The following OR10G3 variants were observed in gnomAD, a reference collection of about 807,000 sequenced individuals.
The protein encoded by OR10G3 is olfactory receptor family 10 subfamily G member 3.
A neutral mutation model predicts 13.4 loss-of-function variants in OR10G3; 8 were observed. That is an observed-to-expected ratio of 0.60 (90% CI 0.35 to 1.08). OR10G3 has a LOEUF of 1.08. Ranked by LOEUF, OR10G3 falls within the 50% of genes least tolerant of loss-of-function variation. The pLI, the probability that OR10G3 is intolerant of heterozygous loss-of-function variation, is 0.02. For synonymous variants in OR10G3, 142 were observed against 156.1 expected (o/e 0.91, Z 0.67); for missense variants, 393 against 386.6 (o/e 1.02, Z -0.14).
chr14:21,574,629 ACTT>A lies in OR10G3; in HGVS notation c.-17-3871_-17-3869del, dbSNP rs1893108102. Among the ~76,000 whole-genome samples, 5 of 152,016 alleles carry A rather than the reference ACTT, an allele frequency of 3.3e-5. 1 individual carries two copies. The South Asian group carries it at 6.2e-4, about 19-fold the overall frequency. ...TCATAATGGATCTGGTCATTAGTTCACTTCTTGGTTCTGAGCGAGTCTCAAAGC... is the reference window on the plus strand; with the variant it reads ...TCATAATGGATCTGGTCATTAGTTCACTTGGTTCTGAGCGAGTCTCAAAGC... On this transcript the variant is annotated intron_variant, in intron 1 of 1. Coordinates refer to ENST00000641040, the MANE Select transcript of OR10G3 (RefSeq NM_001005465.2).
At chr14:21,576,094 T>TG (rs776970622) in intron 1 of OR10G3, among the ~76,000 whole-genome samples, 1 of 152,158 alleles carries the variant, frequency 6.6e-6, no homozygotes, top group Non-Finnish European at 1.5e-5. Flanking sequence ...TGTCGTGTCA[T>TG]GGGATGCTAT....
rs1057119132 is a variant in OR10G3 at position 21,569,670 on chromosome 14, T to G, written c.*133A>C. The G allele has an allele frequency of 4.9e-5, 35 of 719,154 alleles. No homozygotes were observed. Among genetic ancestry groups the G allele is most frequent in the Non-Finnish European group, 7.3e-5 (32 of 436,266 alleles). The allele number at this position is 719,154 out of a possible 1,614,324, so 44.5% of individuals were successfully genotyped here. ...ACTGTTAGAAAGTTAGTATTTTACC[T>G]TAAACTGTGTTTGATCATACAGTAT... On this transcript the variant is annotated 3_prime_UTR_variant, in exon 2 of 2. Coordinates refer to ENST00000641040, the MANE Select transcript of OR10G3 (RefSeq NM_001005465.2).
In OR10G3 at chr14:21,569,907, T is replaced by C; in HGVS notation, c.838A>G (p.Ile280Val). 6.3e-7 allele frequency: 1 copy of C among 1,591,028 alleles called. No individual in the cohort carries two copies. Among genetic ancestry groups the C allele is most frequent in the South Asian group, 1.1e-5 (1 of 88,208 alleles). ...DGAAALVPTA[I>V]TPFLNPLIYT... is the part of the protein sequence containing the mutation. ...ATAAGGGGGTTGAGGAAAGGAGTGA[T>C]GGCCGTGGGGACTAGGGCAGCTGCC... The change falls in exon 2 of 2, where the codon ATC (isoleucine) becomes GTC (valine). Residue 280 changes from isoleucine to valine, a missense_variant. Physicochemically the swap from Ile to Val is conservative, Grantham distance 29. Coordinates refer to ENST00000641040, the MANE Select transcript of OR10G3 (RefSeq NM_001005465.2).
Position 21,569,598 on chromosome 14 carries a change from C to A in OR10G3, c.*205G>T. 1 of 543,322 alleles carries A rather than the reference C, an allele frequency of 1.8e-6. No homozygotes were observed. Among genetic ancestry groups the A allele is most frequent in the Non-Finnish European group, 3.2e-6 (1 of 310,200 alleles). 33.7% of individuals were successfully genotyped at this position (543,322 alleles called of 1,614,324 possible). A position where few individuals can be genotyped will look rare whatever the true frequency, so the allele number is the denominator to read the frequency against. On this transcript the variant is annotated 3_prime_UTR_variant, in exon 2 of 2. Coordinates refer to ENST00000641040, the MANE Select transcript of OR10G3 (RefSeq NM_001005465.2). ...TAGTTTGTGAGAATTTGGTCTCATTCTCTACTCTTGCAGTGGCTGAGAGTT... is the reference window on the plus strand; with the variant it reads ...TAGTTTGTGAGAATTTGGTCTCATTATCTACTCTTGCAGTGGCTGAGAGTT...
In OR10G3 at chr14:21,570,036, G is replaced by A. The variant is rs759779533; in HGVS notation, c.709C>T (p.Arg237Trp). 27 of 1,614,082 alleles carry A rather than the reference G, an allele frequency of 1.7e-5. No individual in the cohort carries two copies. Among genetic ancestry groups the A allele is most frequent in the Admixed American group, 3.3e-5 (2 of 59,994 alleles). ...LRIHTADGRR[R>W]AFSTCGAHVT... ...TGGGCTCCACAAGTTGAAAAAGCCC[G>A]GCGCCGCCCATCAGCTGTGTGGATT... The change falls in exon 2 of 2, where the codon CGG becomes TGG. Residue 237 changes from arginine (R) to tryptophan (W), a missense_variant. Physicochemically the swap from Arg to Trp is moderately radical, Grantham distance 101. Coordinates refer to ENST00000641040, the MANE Select transcript of OR10G3 (RefSeq NM_001005465.2).
intron 1 of OR10G3, 146 bp from the exon 2 acceptor site, chr14:21,570,907 T>C: frequency 1.7e-6 from 1 of 595,526 alleles, no homozygotes; most frequent in East Asian, 2.8e-5. Context: ...CAATGTTCTC[T>C]GGCAGGTGTT....
intron 1 of OR10G3, among the ~76,000 whole-genome samples, chr14:21,578,765 T>G (rs1876817115): frequency 6.6e-6 from 1 of 152,104 alleles, no homozygotes; most frequent in Non-Finnish European, 1.5e-5. Context: ...TATAATTAAT[T>G]TCTTTTTAAA....
Position 21,569,698 on chromosome 14 carries a change from C to T in OR10G3, c.*105G>A, listed in dbSNP as rs939690843. 2.3e-6 allele frequency: 2 copies of T among 852,864 alleles called. No homozygotes were observed. The highest frequency in any genetic ancestry group is 3.6e-5 in the South Asian group (2 of 55,298). The allele number at this position is 852,864 out of a possible 1,614,324, so 52.8% of individuals were successfully genotyped here. On this transcript the variant is annotated 3_prime_UTR_variant, in exon 2 of 2. Coordinates refer to ENST00000641040, the MANE Select transcript of OR10G3 (RefSeq NM_001005465.2). ...AACTGTGTTTGATCATACAGTATGG[C>T]TATATAAAAGAGAAAAAACAAGAAG...
chr14:21,579,492 G>A (rs1043022102), intron 1 of OR10G3, among the ~76,000 whole-genome samples: 6 of 152,130 alleles, frequency 3.9e-5, no homozygotes, highest in Admixed American at 6.5e-5. Context: ...TGATCCGCCC[G>A]TCTTGGCATC....
chr14:21,576,568 C>T lies in OR10G3; in HGVS notation c.-18+3218G>A, dbSNP rs145005811. ...AAAGTTTTATTCTAATTATTTTCTC[C>T]CTGAATTTCTATCTTTTTAGATTGC... On this transcript the variant is annotated intron_variant, in intron 1 of 1. Transcript: ENST00000641040. Among the ~76,000 whole-genome samples, 513 of 152,234 alleles carry T rather than the reference C, an allele frequency of 3.4e-3. 3 individuals are homozygous for T. The highest frequency in any genetic ancestry group is 0.012 in the African/African-American group (488 of 41,544).
chr14:21,572,314 A>AAAAAAAAAAAAAAAAC, intron 1 of OR10G3, among the ~76,000 whole-genome samples: 1 of 138,048 alleles, frequency 7.2e-6, no homozygotes, highest in African/African-American at 2.7e-5. Flanking sequence ...AAAAAAAAAA[A>AAAAAAAAAAAAAAAAC]AAGGCCAGGT....
chr14:21,574,367 C>T (rs1238340175), intron 1 of OR10G3, among the ~76,000 whole-genome samples: 1 of 150,848 alleles, frequency 6.6e-6, no homozygotes, highest in African/African-American at 2.4e-5. Flanking sequence ...TTTCCATCCA[C>T]TCAGAAGGAG....
rs777881077 is a variant in OR10G3, at chr14:21,569,613, G to C, written c.*190C>G. On this transcript the variant is annotated 3_prime_UTR_variant, in exon 2 of 2. Transcript: ENST00000641040. ...TGGTCTCATTCTCTACTCTTGCAGT[G>C]GCTGAGAGTTATCTTGAGAGGATAC... 20 of 574,408 alleles carry C rather than the reference G, an allele frequency of 3.5e-5. No homozygotes were observed. Among genetic ancestry groups the C allele is most frequent in the Non-Finnish European group, 5.8e-5 (19 of 328,684 alleles). 35.6% of individuals were successfully genotyped at this position (574,408 alleles called of 1,614,324 possible).
intron 1 of OR10G3, among the ~76,000 whole-genome samples, chr14:21,572,608 C>CAAAAAAAAAAAAAAA (rs397852312): frequency 1.4e-4 from 16 of 110,478 alleles, no homozygotes; most frequent in Non-Finnish European, 1.6e-4. Context: ...AACAAACAAA[C>CAAAAAAAAAAAAAAA]AAAAAAAAAA....
At chr14:21,574,792 AT>A (rs1258871678) in intron 1 of OR10G3, 11 of 152,130 alleles carry the variant, frequency 7.2e-5, no homozygotes, top group African/African-American at 2.4e-4. Flanking sequence ...TATAAAAAAA[AT>A]AAAAAAAATT....
intron 1 of OR10G3, among the ~76,000 whole-genome samples, chr14:21,579,280 TG>T (rs2139716148): frequency 6.6e-6 from 1 of 152,338 alleles, no homozygotes; most frequent in East Asian, 1.9e-4. Flanking sequence ...AGTCTCTCTC[TG>T]TTGCCCAGGC....
chr14:21,574,432 A>G (rs1055948763), intron 1 of OR10G3, among the ~76,000 whole-genome samples: 3 of 151,884 alleles, frequency 2.0e-5, no homozygotes, highest in African/African-American at 7.3e-5. Flanking sequence ...GATTCTCTCT[A>G]CCTTCACTCC....
intron 1 of OR10G3, among the ~76,000 whole-genome samples, chr14:21,578,275 G>A (rs191152839): frequency 2.6e-5 from 4 of 152,114 alleles, no homozygotes; most frequent in Non-Finnish European, 5.9e-5. Context: ...GCTGGGCATA[G>A]TGGTATGAGC....
intron 1 of OR10G3, among the ~76,000 whole-genome samples, chr14:21,571,867 T>C (rs1893073128): frequency 6.8e-6 from 1 of 146,884 alleles, no homozygotes; most frequent in African/African-American, 2.5e-5. Flanking sequence ...AGAGACGGGG[T>C]TTCACCATGT....
Sources: gnomAD v4.1 joint callset for allele counts (sites outside exome capture counted in the v4.1 genomes callset) on GRCh38, gnomAD v4.1.1 for gene constraint, MANE v1.5 for transcripts, NCBI Gene and HGNC (gene_info 2026-07-23, HGNC 2026-07-21) for gene names.